The following CNTLN variants were observed in gnomAD, a reference collection of about 807,000 sequenced individuals.
The protein encoded by CNTLN is centlein.
Under a neutral mutation model 180.0 loss-of-function variants are expected in CNTLN, and 212 were observed. The ratio of observed to expected loss-of-function variants is 1.18; its 90% CI spans 1.05 to 1.32. The LOEUF (loss-of-function observed/expected upper bound fraction) is 1.32. CNTLN is among the 40% of genes most tolerant of loss of function. CNTLN has a pLI of 0.00. For synonymous variants in CNTLN, 722 were observed against 563.1 expected (o/e 1.28, Z -3.99); for missense variants, 2,095 against 1,610.9 (o/e 1.30, Z -5.14).
intron 2 of CNTLN, among the ~76,000 whole-genome samples, chr9:17,158,320 A>G (rs142258053): frequency 5.4e-4 from 82 of 152,212 alleles, no homozygotes; most frequent in Non-Finnish European, 9.4e-4. Context: ...GGACTTTTAC[A>G]TACCTATTTA....
At chr9:17,149,753 G>C (rs1818724892) in intron 2 of CNTLN, among the ~76,000 whole-genome samples, 1 of 151,994 alleles carries the variant, frequency 6.6e-6, no homozygotes, top group South Asian at 2.1e-4. Context: ...TCCTGATCTT[G>C]TGATCTGCCC....
At chr9:17,290,766 G>A (rs1327733664) in intron 6 of CNTLN, among the ~76,000 whole-genome samples, 3 of 151,776 alleles carry the variant, frequency 2.0e-5, no homozygotes, top group East Asian at 1.9e-4. Context: ...GGAGTGACCC[G>A]ATTTTCCAGG....
intron 7 of CNTLN, 118 bp downstream of exon 7, chr9:17,298,470 T>G (rs1818111014): frequency 7.5e-7 from 1 of 1,341,288 alleles, no homozygotes; most frequent in Non-Finnish European, 9.6e-7. Flanking sequence ...TACATGTGTT[T>G]CCTCAAAATT....
At chr9:17,170,038 C>A (rs533416753) in intron 2 of CNTLN, among the ~76,000 whole-genome samples, 1 of 151,900 alleles carries the variant, frequency 6.6e-6, no homozygotes, top group East Asian at 1.9e-4. Context: ...GCTATTTTTC[C>A]AGTTATTTGT....
rs980279689 is a variant in CNTLN at position 17,196,098 on chromosome 9, A to T, written c.450-30105A>T. ...GAGTGCAGTGGCGCCATCTTAGCTCACTGTAACCTCCGCCTCCCAGGTTCA... is the reference window on the plus strand; with the variant it reads ...GAGTGCAGTGGCGCCATCTTAGCTCTCTGTAACCTCCGCCTCCCAGGTTCA... On this transcript the variant is annotated intron_variant, in intron 2 of 25. Transcript: ENST00000380647. Among the ~76,000 whole-genome samples, 2 of 152,006 alleles carry T rather than the reference A, an allele frequency of 1.3e-5. 1 individual carries two copies. The highest frequency in any genetic ancestry group is 4.8e-5 in the African/African-American group (2 of 41,380).
intron 5 of CNTLN, among the ~76,000 whole-genome samples, chr9:17,242,868 A>T (rs1183102099): frequency 6.6e-6 from 1 of 152,060 alleles, no homozygotes; most frequent in Non-Finnish European, 1.5e-5. Context: ...TTGTAGAATG[A>T]GTTTGGAAGT....
chr9:17,495,937 T>C (rs1833430619), intron 25 of CNTLN, among the ~76,000 whole-genome samples: 1 of 152,236 alleles, frequency 6.6e-6, no homozygotes, highest in Non-Finnish European at 1.5e-5. Flanking sequence ...AACAGGTTTC[T>C]AGCCTAGGAG....
At chr9:17,332,163 C>T (rs1292248278) in intron 9 of CNTLN, among the ~76,000 whole-genome samples, 1 of 152,006 alleles carries the variant, frequency 6.6e-6, no homozygotes, top group Non-Finnish European at 1.5e-5. Context: ...TTATATTCCT[C>T]AAGCATATTG....
intron 5 of CNTLN, among the ~76,000 whole-genome samples, chr9:17,247,669 G>A (rs10962941): frequency 0.17 from 26,075 of 152,008 alleles, 2,512 homozygotes; most frequent in South Asian, 0.28. Context: ...TATGGTGTTC[G>A]TGCATGGAGA....
intron 5 of CNTLN, among the ~76,000 whole-genome samples, chr9:17,254,665 C>T (rs1826362949): frequency 6.6e-6 from 1 of 151,410 alleles, no homozygotes; most frequent in Non-Finnish European, 1.5e-5. Context: ...ATCTGTATGT[C>T]AGTACAATAC....
intron 12 of CNTLN, among the ~76,000 whole-genome samples, chr9:17,351,335 A>G (rs922617596): frequency 1.3e-5 from 2 of 152,180 alleles, no homozygotes; most frequent in Non-Finnish European, 2.9e-5. Flanking sequence ...TGACTTTCAG[A>G]CCTGTATATC....
chr9:17,377,321 G>T (rs748408637), intron 13 of CNTLN, among the ~76,000 whole-genome samples: 1 of 152,178 alleles, frequency 6.6e-6, no homozygotes, highest in Non-Finnish European at 1.5e-5. Flanking sequence ...GACGCAGGTG[G>T]ATCACCTGAG....
chr9:17,184,485 T>A (rs182068773), intron 2 of CNTLN, among the ~76,000 whole-genome samples: 227 of 152,220 alleles, frequency 1.5e-3, no homozygotes, highest in Non-Finnish European at 2.9e-3. Flanking sequence ...AACATTAATG[T>A]AGGGAAGAAG....
chr9:17,205,936 C>A (rs900440221), intron 2 of CNTLN, among the ~76,000 whole-genome samples: 1 of 152,126 alleles, frequency 6.6e-6, no homozygotes, highest in Admixed American at 6.5e-5. Flanking sequence ...ATGTTCAAGC[C>A]TTGCAATGAG....
At chr9:17,370,087 G>C (rs990486708) in intron 13 of CNTLN, among the ~76,000 whole-genome samples, 1 of 152,064 alleles carries the variant, frequency 6.6e-6, no homozygotes, top group Non-Finnish European at 1.5e-5. Flanking sequence ...GAAAATGTAG[G>C]AGTTATTGGC....
chr9:17,215,587 A>G (rs1165987531), intron 2 of CNTLN, among the ~76,000 whole-genome samples: 4 of 152,202 alleles, frequency 2.6e-5, no homozygotes, highest in African/African-American at 7.2e-5. Context: ...GCTGTCAGAC[A>G]GGGACATTTA....
chr9:17,525,518 G>C, the CNTLN span, among the ~76,000 whole-genome samples: 2 of 152,166 alleles, frequency 1.3e-5, no homozygotes, highest in Non-Finnish European at 2.9e-5. Flanking sequence ...TTCAAGACCA[G>C]TGTTATTTCT....
intron 14 of CNTLN, among the ~76,000 whole-genome samples, chr9:17,392,060 A>T (rs1826155475): frequency 6.6e-6 from 1 of 152,130 alleles, no homozygotes; most frequent in African/African-American, 2.4e-5. Context: ...GTTTAAAGAA[A>T]AAATGTGGAC....
intron 6 of CNTLN, among the ~76,000 whole-genome samples, chr9:17,293,708 C>T (rs1418342316): frequency 1.3e-5 from 2 of 152,156 alleles, no homozygotes; most frequent in African/African-American, 2.4e-5. Context: ...ACTCAGGCAT[C>T]TTAGGCAAAA....
Sources: allele counts gnomAD v4.1 joint callset (sites outside exome capture counted in the v4.1 genomes callset), GRCh38; gene constraint gnomAD v4.1.1; transcripts MANE v1.5; gene names NCBI Gene and HGNC (gene_info 2026-07-23, HGNC 2026-07-21).